Variants in RFWD3 observed in about 807,000 individuals in gnomAD.
RFWD3 encodes the protein E3 ubiquitin-protein ligase RFWD3.
In RFWD3, 65 loss-of-function variants were observed where a neutral mutation model predicts 87.7. The ratio of observed to expected loss-of-function variants is 0.74; its 90% CI spans 0.61 to 0.91. The LOEUF (loss-of-function observed/expected upper bound fraction) is 0.91, where lower values mean the gene tolerates loss of function less well. Ranked by LOEUF, RFWD3 falls within the 40% of genes least tolerant of loss-of-function variation. RFWD3 has a pLI of 0.00. For synonymous variants in RFWD3, 433 were observed against 352.8 expected, an observed-to-expected ratio of 1.23 and a Z score of -2.55; for missense variants, 1,078 against 938.5, an observed-to-expected ratio of 1.15 and a Z score of -1.94.
chr16:74,623,692 C>T lies in RFWD3; in HGVS notation c.*236G>A. ...ATAATGGTTAATGAAGGCTTTAAACCCAAGAAATGGATAATGTAGATAAAG... is the reference window on the plus strand; with the variant it reads ...ATAATGGTTAATGAAGGCTTTAAACTCAAGAAATGGATAATGTAGATAAAG... On this transcript the variant is annotated 3_prime_UTR_variant, in exon 13 of 13. Transcript: ENST00000361070. The T allele has an allele frequency of 4.8e-6, 2 of 420,920 alleles. No homozygotes were observed. Among genetic ancestry groups the T allele is most frequent in the South Asian group, 9.6e-5 (2 of 20,938 alleles). The allele number at this position is 420,920 out of a possible 1,614,324, so 26.1% of individuals were successfully genotyped here.
In RFWD3 at chr16:74,628,666, T is replaced by A. The variant is rs368470574; in HGVS notation, c.1755A>T (p.Arg585Ser). Residue 585 changes from arginine (R) to serine (S), a missense_variant and splice_region_variant, in exon 11 of 13, where the codon AGA becomes AGT. Transcript: ENST00000361070. ...HVQELVAQKARCPLVSLSYMP... is the reference protein window; with the variant it reads ...HVQELVAQKASCPLVSLSYMP... ...TGTATGACAGGGAGACCAGTGGGCA[T>A]CTGAAAGGAAAGTAAGGAAACTGTA... 23 of 1,613,924 alleles carry A rather than the reference T, an allele frequency of 1.4e-5. No homozygotes were observed. The highest frequency in any genetic ancestry group is 1.9e-5 in the Non-Finnish European group (23 of 1,179,990).
chr16:74,637,681 T>A (rs1313167368), intron 7 of RFWD3, among the ~76,000 whole-genome samples, 175 bp downstream of exon 7: 1 of 152,072 alleles, frequency 6.6e-6, no homozygotes, highest in Non-Finnish European at 1.5e-5. Context: ...CATCATAAAG[T>A]GTGTAGTAAG....
In RFWD3 at chr16:74,632,583, C is replaced by T. The variant is rs1422455752; in HGVS notation, c.1517G>A (p.Ser506Asn). The T allele has an allele frequency of 2.5e-6, 4 of 1,614,016 alleles. No homozygotes were observed. Among genetic ancestry groups the T allele is most frequent in the African/African-American group, 1.3e-5 (1 of 74,916 alleles). Reference protein sequence around the residue: ...HGKQIRGLAFSSYLRGLLLSA... With the variant: ...HGKQIRGLAFNSYLRGLLLSA... Reference sequence around the variant, plus strand: ...GAGTAGCAAGCCTCTGAGGTAACTGCTAAACGCCAGTCCACGGATCTGTTT... The same window carrying T: ...GAGTAGCAAGCCTCTGAGGTAACTGTTAAACGCCAGTCCACGGATCTGTTT... The change falls in exon 9 of 13, where the codon AGC (serine) becomes AAC (asparagine). Residue 506 changes from serine to asparagine, a missense_variant. Coordinates refer to ENST00000361070, the MANE Select transcript of RFWD3 (RefSeq NM_018124.4).
chr16:74,630,633 A>T, intron 10 of RFWD3, 148 bp downstream of exon 10: 1 of 568,930 alleles, frequency 1.8e-6, no homozygotes, highest in Non-Finnish European at 3.0e-6. Context: ...TAAGAATGTT[A>T]TTGATTCTGA....
intron 3 of RFWD3, among the ~76,000 whole-genome samples, chr16:74,650,975 T>C (rs1960517869): frequency 1.4e-5 from 2 of 139,604 alleles, no homozygotes; most frequent in Non-Finnish European, 3.0e-5. Flanking sequence ...AATATTAATA[T>C]ATTCCTGACC....
chr16:74,622,735 T>C lies in RFWD3; in HGVS notation c.*1193A>G, dbSNP rs928316835. Reference sequence around the variant, plus strand: ...TGCCCACATCTTGAAGCATATTCTGTTGTGGAAGTGGGTTGGCAAAGTAGT... The same window carrying C: ...TGCCCACATCTTGAAGCATATTCTGCTGTGGAAGTGGGTTGGCAAAGTAGT... On this transcript the variant is annotated 3_prime_UTR_variant, in exon 13 of 13. Coordinates refer to ENST00000361070, the MANE Select transcript of RFWD3 (RefSeq NM_018124.4). The C allele has an allele frequency of 6.6e-6, 1 of 152,148 alleles. No homozygotes were observed. The highest frequency in any genetic ancestry group is 1.5e-5 in the Non-Finnish European group (1 of 68,030). 9.4% of individuals were successfully genotyped at this position (152,148 alleles called of 1,614,324 possible).
At position 74,630,770 on chromosome 16, in the gene RFWD3, T is replaced by G. The variant is rs1340719634; in HGVS notation, c.1754+11A>C. The G allele has an allele frequency of 6.3e-7, 1 of 1,578,902 alleles. No homozygotes were observed. The highest frequency in any genetic ancestry group is 8.6e-7 in the Non-Finnish European group (1 of 1,163,592). ...CTGCTACCACCAGGAAAAGAGTGAG[T>G]GGCTCCCTACCTGGCTTTCTGAGCT... is the stretch of plus-strand genomic sequence containing the variant. On this transcript the variant is annotated intron_variant, in intron 10 of 12. Transcript: ENST00000361070.
intron 9 of RFWD3, among the ~76,000 whole-genome samples, chr16:74,631,696 A>C (rs1370379382): frequency 6.6e-6 from 1 of 152,154 alleles, no homozygotes; most frequent in African/African-American, 2.4e-5. Flanking sequence ...TGTTACACAG[A>C]ATTATCCAGG....
rs1247353821 is a variant in RFWD3, at chr16:74,651,985, T to G, written c.656A>C (p.Asp219Ala). The change falls in exon 3 of 13, where the codon GAC becomes GCC. Residue 219 changes from aspartate to alanine, a missense_variant. Physicochemically the swap from Asp to Ala is moderately radical, Grantham distance 126. Coordinates refer to ENST00000361070, the MANE Select transcript of RFWD3 (RefSeq NM_018124.4). ...QVSSSSDSDS[D>A]SSAEYGGVVD... ...AACCCCTCCATACTCTGCAGAGCTGTCACTGTCAGAATCAGAACTACTAGA... is the reference window on the plus strand; with the variant it reads ...AACCCCTCCATACTCTGCAGAGCTGGCACTGTCAGAATCAGAACTACTAGA... 3 of 1,613,956 alleles carry G rather than the reference T, an allele frequency of 1.9e-6. No homozygotes were observed. Among genetic ancestry groups the G allele is most frequent in the Admixed American group, 3.3e-5 (2 of 59,970 alleles).
intron 2 of RFWD3, among the ~76,000 whole-genome samples, chr16:74,653,751 C>T (rs1960750569): frequency 6.6e-6 from 1 of 152,140 alleles, no homozygotes; most frequent in Non-Finnish European, 1.5e-5. Flanking sequence ...GATTATTACC[C>T]AGAAACATTG....
At chr16:74,646,315 G>A (rs1318098399) in intron 4 of RFWD3, among the ~76,000 whole-genome samples, 1 of 152,212 alleles carries the variant, frequency 6.6e-6, no homozygotes, top group Non-Finnish European at 1.5e-5. Flanking sequence ...TATTGAGGCT[G>A]CAGTGAGCTA....
chr16:74,659,849 G>C (rs1440302771), intron 2 of RFWD3, among the ~76,000 whole-genome samples: 2 of 152,168 alleles, frequency 1.3e-5, no homozygotes, highest in African/African-American at 2.4e-5. Context: ...ATGGGTAATA[G>C]ATGACCTAGC....
intron 6 of RFWD3, among the ~76,000 whole-genome samples, chr16:74,638,923 G>A (rs533054419): frequency 6.6e-6 from 1 of 152,022 alleles, no homozygotes; most frequent in East Asian, 1.9e-4. Flanking sequence ...ATATACTGTT[G>A]CTCCCAGGCT....
intron 11 of RFWD3, 65 bp downstream of exon 11, chr16:74,628,387 C>T: frequency 2.7e-6 from 4 of 1,480,708 alleles, no homozygotes; most frequent in Non-Finnish European, 3.8e-6. Flanking sequence ...AGGATCAAAC[C>T]CTCCTTCCCT....
At chr16:74,647,100 A>C (rs118152452) in intron 4 of RFWD3, among the ~76,000 whole-genome samples, 2,776 of 151,862 alleles carry the variant, frequency 0.018, 37 homozygotes, top group Non-Finnish European at 0.028. Flanking sequence ...AAAAAAAAAG[A>C]TTCAATTTTA....
At chr16:74,635,344 G>A (rs1158600540) in intron 8 of RFWD3, among the ~76,000 whole-genome samples, 1 of 151,816 alleles carries the variant, frequency 6.6e-6, no homozygotes, top group Non-Finnish European at 1.5e-5. Context: ...GCATGCACCC[G>A]TAGTCTCAAC....
intron 9 of RFWD3, 30 bp from the exon 10 acceptor site, chr16:74,630,987 G>A (rs371867484): frequency 4.5e-6 from 7 of 1,566,820 alleles, no homozygotes; most frequent in Non-Finnish European, 6.1e-6. Context: ...TTTTACAACT[G>A]CATTAAGAAA....
chr16:74,644,502 G>C (rs757647684), intron 5 of RFWD3, 39 bp downstream of exon 5: 1 of 1,614,044 alleles, frequency 6.2e-7, no homozygotes, highest in East Asian at 2.2e-5. Flanking sequence ...GAATCTGCCT[G>C]ACTTAACATG....
chr16:74,636,710 CAG>C, intron 7 of RFWD3, 133 bp from the exon 8 acceptor site: 1 of 724,204 alleles, frequency 1.4e-6, no homozygotes, highest in Non-Finnish European at 2.2e-6. Flanking sequence ...TAGAGAACTG[CAG>C]AGTTTTTGTT....
Sources: gnomAD v4.1 joint callset for allele counts (sites outside exome capture counted in the v4.1 genomes callset) on GRCh38, gnomAD v4.1.1 for gene constraint, MANE v1.5 for transcripts, NCBI Gene and HGNC (gene_info 2026-07-23, HGNC 2026-07-21) for gene names.